Variants in VPS13B observed in about 807,000 individuals in gnomAD.
VPS13B encodes intermembrane lipid transfer protein VPS13B.
A neutral mutation model predicts 426.4 loss-of-function variants in VPS13B; 285 were observed. The ratio of observed to expected loss-of-function variants is 0.67; its 90% confidence interval spans 0.61 to 0.74. The LOEUF is 0.74. VPS13B is among the 30% of genes least tolerant of loss of function. VPS13B has a pLI of 0.00. For synonymous variants in VPS13B, 1,676 were observed against 1,676.4 expected (o/e 1.00, Z 0.01); for missense variants, 4,537 against 4,782.6 (o/e 0.95, Z 1.51).
intron 33 of VPS13B, among the ~76,000 whole-genome samples, chr8:99,624,007 ATTTTTTTTT>A (rs1165382455): frequency 4.0e-5 from 4 of 101,120 alleles, no homozygotes; most frequent in South Asian, 3.0e-4. Context: ...ATATATATAT[ATTTTTTTTT>A]TTTTTTTTTT....
At chr8:99,744,131 A>G (rs1450784718) in intron 39 of VPS13B, among the ~76,000 whole-genome samples, 3 of 152,148 alleles carry the variant, frequency 2.0e-5, no homozygotes, top group Non-Finnish European at 2.9e-5. Context: ...ATTTACAAGA[A>G]AAAAAACCCA....
chr8:99,791,459 G>C (rs78572461), intron 43 of VPS13B, among the ~76,000 whole-genome samples: 5,647 of 152,230 alleles, frequency 0.037, 113 homozygotes, highest in East Asian at 0.047. Flanking sequence ...GTGATGGGCA[G>C]CTCTTGGCTA....
chr8:99,698,020 C>T, intron 35 of VPS13B: 1 of 374,910 alleles, frequency 2.7e-6, no homozygotes, highest in East Asian at 5.9e-5. Flanking sequence ...AGAGCTAGAG[C>T]TGCTGGCCTA....
chr8:99,793,726 C>T (rs1303315798), intron 43 of VPS13B, among the ~76,000 whole-genome samples: 2 of 152,040 alleles, frequency 1.3e-5, no homozygotes, highest in African/African-American at 4.8e-5. Flanking sequence ...ACAGAGTAAT[C>T]GTGACAACCA....
At chr8:99,850,254 TACATACATAA>T (rs1816201497) in intron 55 of VPS13B, among the ~76,000 whole-genome samples, 1 of 140,070 alleles carries the variant, frequency 7.1e-6, no homozygotes, top group African/African-American at 2.8e-5. Flanking sequence ...TACTTATACA[TACATACATAA>T]GTACGCATGT....
chr8:99,446,850 C>A (rs916598520), intron 23 of VPS13B, among the ~76,000 whole-genome samples: 1 of 152,148 alleles, frequency 6.6e-6, no homozygotes, highest in Non-Finnish European at 1.5e-5. Flanking sequence ...CTCTTGGAGG[C>A]AAATTGTGTT....
At chr8:99,233,455 C>G in intron 17 of VPS13B, 1 of 1,340,228 alleles carries the variant, frequency 7.5e-7, no homozygotes, top group South Asian at 1.2e-5. Flanking sequence ...GATGATGGTA[C>G]CCACAGCCTG....
At chr8:99,239,148 T>G (rs986100580) in intron 17 of VPS13B, among the ~76,000 whole-genome samples, 3 of 152,158 alleles carry the variant, frequency 2.0e-5, no homozygotes, top group African/African-American at 7.2e-5. Context: ...TAATGTGTAT[T>G]TCAGCAATTA....
At chr8:99,134,526 C>A (rs1809968629) in intron 8 of VPS13B, 106 bp from the exon 9 acceptor site, 4 of 888,226 alleles carry the variant, frequency 4.5e-6, no homozygotes, top group Middle Eastern at 7.0e-4. Context: ...ATTTAAATTT[C>A]CTGAATCTTA....
chr8:99,693,749 T>C (rs1230241141), intron 35 of VPS13B, among the ~76,000 whole-genome samples: 1 of 144,680 alleles, frequency 6.9e-6, no homozygotes, highest in Non-Finnish European at 1.5e-5. Flanking sequence ...AAAGAGGAAG[T>C]CAAATTGTCC....
At chr8:99,354,715 A>G (rs1385822326) in intron 19 of VPS13B, among the ~76,000 whole-genome samples, 2 of 152,154 alleles carry the variant, frequency 1.3e-5, no homozygotes, top group African/African-American at 4.8e-5. Flanking sequence ...CCAAGGCTCA[A>G]TAGTGTTTTA....
In VPS13B at chr8:99,290,176, G is replaced by T. The variant is rs563355357; in HGVS notation, c.2824+14922G>T. ...ATGAGCTTATATGTAGTTCATTGAT[G>T]GAGACGTACAGGTAAGTAGACATTT... is the stretch of plus-strand genomic sequence containing the variant. On this transcript the variant is annotated intron_variant, in intron 19 of 61. Coordinates refer to ENST00000357162, the MANE Select transcript of VPS13B (RefSeq NM_152564.5). 5.3e-5 allele frequency among the ~76,000 whole-genome samples: 8 copies of T among 152,132 alleles called. No individual in the cohort carries two copies. The South Asian group carries it at 1.7e-3, about 32-fold the overall frequency.
chr8:99,180,684 C>T (rs1812900834), intron 16 of VPS13B, among the ~76,000 whole-genome samples: 1 of 151,994 alleles, frequency 6.6e-6, no homozygotes. Flanking sequence ...ATAGCTGGTG[C>T]AGGTCTCAAG....
At chr8:99,743,667 A>C (rs985580055) in intron 39 of VPS13B, among the ~76,000 whole-genome samples, 1 of 151,916 alleles carries the variant, frequency 6.6e-6, no homozygotes, top group Non-Finnish European at 1.5e-5. Context: ...GAAATAATGC[A>C]GCAGCGTACC....
At chr8:99,160,650 C>CAAAAAAA (rs780385149) in intron 15 of VPS13B, among the ~76,000 whole-genome samples, 2 of 68,486 alleles carry the variant, frequency 2.9e-5, no homozygotes, top group Non-Finnish European at 6.1e-5. Context: ...GACCCTGTCT[C>CAAAAAAA]AAAAAAAAAA....
intron 25 of VPS13B, among the ~76,000 whole-genome samples, chr8:99,497,094 A>G (rs1563761681): frequency 7.0e-6 from 1 of 143,464 alleles, no homozygotes; most frequent in Non-Finnish European, 1.5e-5. Context: ...ATAAATATAT[A>G]TATTTATGTA....
At chr8:99,864,024 C>T (rs905178001) in intron 58 of VPS13B, among the ~76,000 whole-genome samples, 1 of 152,158 alleles carries the variant, frequency 6.6e-6, no homozygotes, top group Non-Finnish European at 1.5e-5. Flanking sequence ...TCCTGTAAGA[C>T]TTCAAGGACT....
At chr8:99,078,759 T>C (rs1246221428) in intron 3 of VPS13B, among the ~76,000 whole-genome samples, 4 of 151,960 alleles carry the variant, frequency 2.6e-5, no homozygotes, top group African/African-American at 9.7e-5. Context: ...AGGCCAACCA[T>C]TGGGTCTCCA....
At chr8:99,783,340 A>T (rs1812110751) in intron 42 of VPS13B, among the ~76,000 whole-genome samples, 1 of 152,200 alleles carries the variant, frequency 6.6e-6, no homozygotes, top group South Asian at 2.1e-4. Flanking sequence ...AGCATCAGTT[A>T]CATGTTATCT....
Sources: gnomAD v4.1 joint callset for allele counts (sites outside exome capture counted in the v4.1 genomes callset) on GRCh38, gnomAD v4.1.1 for gene constraint, MANE v1.5 for transcripts, NCBI Gene and HGNC (gene_info 2026-07-23, HGNC 2026-07-21) for gene names.